The following PIK3C2G variants were observed in gnomAD, a reference collection of about 807,000 sequenced individuals.
The protein encoded by PIK3C2G is phosphatidylinositol 3-kinase C2 domain-containing subunit gamma.
A neutral mutation model predicts 181.1 loss-of-function variants in PIK3C2G; 168 were observed. The observed-to-expected ratio is 0.93, with a 90% CI of 0.82 to 1.05. The LOEUF (loss-of-function observed/expected upper bound fraction) is 1.05, where lower values mean the gene tolerates loss of function less well. Among genes scored for constraint, PIK3C2G ranks in the 50% least tolerant of loss-of-function variants. The pLI is 0.00. For missense variants in PIK3C2G, 1,869 were observed against 1,732.8 expected, an observed-to-expected ratio of 1.08 and a Z score of -1.40; for synonymous variants, 573 against 592.2, an observed-to-expected ratio of 0.97 and a Z score of 0.47.
intron 22 of PIK3C2G, among the ~76,000 whole-genome samples, chr12:18,501,551 A>G (rs1422458589): frequency 6.6e-6 from 1 of 152,182 alleles, no homozygotes; most frequent in African/African-American, 2.4e-5. Flanking sequence ...AATTTGAGAA[A>G]TATTGCATTA....
At chr12:18,421,583 G>A (rs544613881) in intron 17 of PIK3C2G, among the ~76,000 whole-genome samples, 7 of 152,020 alleles carry the variant, frequency 4.6e-5, no homozygotes, top group East Asian at 3.9e-4. Flanking sequence ...GTCTGAATAC[G>A]ATGAAATATA....
intron 16 of PIK3C2G, among the ~76,000 whole-genome samples, chr12:18,400,270 T>C (rs1198981007): frequency 2.0e-5 from 3 of 152,038 alleles, no homozygotes; most frequent in Non-Finnish European, 2.9e-5. Flanking sequence ...ATGATAGGAA[T>C]AAAAGAAAAA....
chr12:18,680,743 C>A, the PIK3C2G span, among the ~76,000 whole-genome samples: 1 of 152,086 alleles, frequency 6.6e-6, no homozygotes, highest in African/African-American at 2.4e-5. Context: ...ACATGGGAAG[C>A]CATAGGGCAT....
At chr12:18,647,621 T>C (rs567805684) in intron 32 of PIK3C2G, among the ~76,000 whole-genome samples, 1 of 152,100 alleles carries the variant, frequency 6.6e-6, no homozygotes, top group African/African-American at 2.4e-5. Flanking sequence ...TTGCTAAATA[T>C]AGAGTGGGTA....
the PIK3C2G span, among the ~76,000 whole-genome samples, chr12:18,687,595 T>C: frequency 5.3e-5 from 8 of 152,126 alleles, no homozygotes; most frequent in African/African-American, 1.4e-4. Context: ...ACTTCCCTTA[T>C]GGCAAAAATG....
chr12:18,531,197 A>C (rs1330591748), intron 24 of PIK3C2G, among the ~76,000 whole-genome samples: 2 of 151,766 alleles, frequency 1.3e-5, no homozygotes, highest in Non-Finnish European at 2.9e-5. Flanking sequence ...TTCTCATCTC[A>C]CTCTACAGTT....
chr12:18,620,361 G>T (rs1467451360), intron 31 of PIK3C2G, among the ~76,000 whole-genome samples: 4 of 151,784 alleles, frequency 2.6e-5, no homozygotes, highest in Non-Finnish European at 5.9e-5. Context: ...AGTATTTTTT[G>T]CCCTCAAAAA....
At chr12:18,397,832 C>T (rs1201906043) in intron 15 of PIK3C2G, among the ~76,000 whole-genome samples, 1 of 151,956 alleles carries the variant, frequency 6.6e-6, no homozygotes, top group Admixed American at 6.6e-5. Context: ...ATCACAGCAC[C>T]TTTATTCATA....
chr12:18,392,547 A>G (rs1357184912), intron 15 of PIK3C2G, among the ~76,000 whole-genome samples: 1 of 152,110 alleles, frequency 6.6e-6, no homozygotes, highest in Admixed American at 6.5e-5. Flanking sequence ...TCTTCACATT[A>G]CTAAATTATC....
chr12:18,582,560 A>T (rs796592548), intron 29 of PIK3C2G, among the ~76,000 whole-genome samples: 2 of 152,112 alleles, frequency 1.3e-5, no homozygotes, highest in Non-Finnish European at 2.9e-5. Context: ...AGACTCCTAT[A>T]CATACACCTA....
chr12:18,513,370 G>A (rs568365491), intron 24 of PIK3C2G, among the ~76,000 whole-genome samples: 1 of 112,736 alleles, frequency 8.9e-6, no homozygotes, highest in Non-Finnish European at 1.8e-5. Flanking sequence ...GAAAAGAATT[G>A]GTATTCTTTT....
At chr12:18,426,755 A>G (rs1357871111) in intron 18 of PIK3C2G, among the ~76,000 whole-genome samples, 1 of 152,222 alleles carries the variant, frequency 6.6e-6, no homozygotes, top group Non-Finnish European at 1.5e-5. Context: ...TCTTCTCATG[A>G]AAATCACTCA....
intron 11 of PIK3C2G, among the ~76,000 whole-genome samples, chr12:18,349,515 A>G (rs2137685605): frequency 6.6e-6 from 1 of 152,332 alleles, no homozygotes; most frequent in Middle Eastern, 3.4e-3. Flanking sequence ...CACTCAAGCT[A>G]TCAAAGACAA....
chr12:18,702,918 T>C, the PIK3C2G span, among the ~76,000 whole-genome samples: 1 of 150,562 alleles, frequency 6.6e-6, no homozygotes, highest in Non-Finnish European at 1.5e-5. Context: ...CCTCCTGGGT[T>C]CAAGAGATTC....
At chr12:18,655,549 G>A in the PIK3C2G span, among the ~76,000 whole-genome samples, 1 of 152,112 alleles carries the variant, frequency 6.6e-6, no homozygotes, top group East Asian at 1.9e-4. Flanking sequence ...TCATCCTGAA[G>A]AATATAATAT....
intron 8 of PIK3C2G, among the ~76,000 whole-genome samples, chr12:18,332,652 C>A (rs763027028): frequency 6.6e-6 from 1 of 152,082 alleles, no homozygotes; most frequent in African/African-American, 2.4e-5. Flanking sequence ...AGGAGCTTCT[C>A]ATCTATGTCC....
At chr12:18,562,164 G>A (rs1945379535) in intron 26 of PIK3C2G, among the ~76,000 whole-genome samples, 1 of 152,234 alleles carries the variant, frequency 6.6e-6, no homozygotes, top group East Asian at 1.9e-4. Context: ...ACGGAGTCTC[G>A]CTCTGTCACC....
intron 18 of PIK3C2G, among the ~76,000 whole-genome samples, chr12:18,463,408 C>A (rs946223543): frequency 6.6e-6 from 1 of 152,148 alleles, no homozygotes; most frequent in Non-Finnish European, 1.5e-5. Context: ...AGACTCCTCT[C>A]TGCCATAAAG....
the PIK3C2G span, chr12:18,693,840 T>G: frequency 6.5e-7 from 1 of 1,531,162 alleles, no homozygotes; most frequent in South Asian, 1.1e-5. Context: ...GAGTTCCCCC[T>G]GCCTGATGAA....
Sources: allele counts gnomAD v4.1 joint callset (sites outside exome capture counted in the v4.1 genomes callset), GRCh38; gene constraint gnomAD v4.1.1; transcripts MANE v1.5; gene names NCBI Gene and HGNC (gene_info 2026-07-23, HGNC 2026-07-21).